WWOX: variants seen among roughly 807,000 people sequenced by gnomAD.
The protein encoded by WWOX is WW domain-containing oxidoreductase.
In WWOX, 69 loss-of-function variants were observed where a neutral mutation model predicts 46.2. The ratio of observed to expected loss-of-function variants is 1.49; its 90% CI spans 1.23 to 1.82. The LOEUF (loss-of-function observed/expected upper bound fraction) is 1.82, where lower values mean the gene tolerates loss of function less well. WWOX is among the 40% of genes most tolerant of loss of function. The pLI, the probability that WWOX is intolerant of heterozygous loss-of-function variation, is 0.00. For synonymous variants in WWOX, 359 were observed against 202.6 expected (o/e 1.77, Z -6.56); for missense variants, 919 against 542.6 (o/e 1.69, Z -6.89).
chr16:79,054,953 T>C (rs1231283786), intron 8 of WWOX, among the ~76,000 whole-genome samples: 1 of 152,192 alleles, frequency 6.6e-6, no homozygotes, highest in Non-Finnish European at 1.5e-5. Context: ...AGATTTTCTG[T>C]ATTTTGAGAG....
intron 8 of WWOX, among the ~76,000 whole-genome samples, chr16:78,579,647 G>A (rs1050152899): frequency 1.3e-5 from 2 of 152,188 alleles, no homozygotes; most frequent in South Asian, 2.1e-4. Flanking sequence ...TTGAGGAAAT[G>A]TAAGAGATCA....
intron 8 of WWOX, chr16:79,017,485 G>C (rs1313778703): frequency 6.9e-6 from 1 of 144,612 alleles, no homozygotes; most frequent in African/African-American, 2.6e-5. Flanking sequence ...TTACAGGTAG[G>C]CTAGAGCACG....
At chr16:78,671,729 T>G (rs1189628976) in intron 8 of WWOX, among the ~76,000 whole-genome samples, 2 of 152,212 alleles carry the variant, frequency 1.3e-5, no homozygotes, top group African/African-American at 2.4e-5. Flanking sequence ...TAGCTACCCT[T>G]ACTATTTAGA....
chr16:78,591,044 GCCCTAGTC>G (rs1370669755), intron 8 of WWOX, among the ~76,000 whole-genome samples: 4 of 152,156 alleles, frequency 2.6e-5, no homozygotes, highest in Non-Finnish European at 5.9e-5. Flanking sequence ...TGTGTTATCT[GCCCTAGTC>G]TGAAGTACAG....
intron 8 of WWOX, among the ~76,000 whole-genome samples, chr16:79,151,904 G>C (rs1016595370): frequency 6.6e-6 from 1 of 152,022 alleles, no homozygotes; most frequent in African/African-American, 2.4e-5. Flanking sequence ...TTTTTTTGTT[G>C]TTTTAGCCAT....
intron 8 of WWOX, among the ~76,000 whole-genome samples, chr16:78,921,247 C>G (rs1327054589): frequency 6.6e-6 from 1 of 152,164 alleles, no homozygotes; most frequent in Non-Finnish European, 1.5e-5. Context: ...CGAAACCGCA[C>G]TGTGCCAGAA....
At chr16:78,807,563 A>C (rs903020951) in intron 8 of WWOX, among the ~76,000 whole-genome samples, 8 of 152,362 alleles carry the variant, frequency 5.3e-5, no homozygotes, top group African/African-American at 1.7e-4. Flanking sequence ...ACCTGATTCA[A>C]ATGTGGCAAA....
chr16:78,420,993 ATTAT>A (rs1043938712), intron 6 of WWOX, among the ~76,000 whole-genome samples: 3 of 152,086 alleles, frequency 2.0e-5, no homozygotes, highest in African/African-American at 7.2e-5. Flanking sequence ...TGGCTTAATC[ATTAT>A]TTATCCACTT....
chr16:79,002,799 C>A (rs1296215980), intron 8 of WWOX, among the ~76,000 whole-genome samples: 1 of 152,158 alleles, frequency 6.6e-6, no homozygotes, highest in East Asian at 1.9e-4. Flanking sequence ...CAAGGCCTGT[C>A]TGGATCCAAA....
chr16:78,363,655 A>G (rs543893162), intron 5 of WWOX, among the ~76,000 whole-genome samples: 64 of 152,254 alleles, frequency 4.2e-4, no homozygotes, highest in African/African-American at 1.5e-3. Context: ...CTTTCTTCTA[A>G]ATATACTTGA....
intron 8 of WWOX, among the ~76,000 whole-genome samples, chr16:78,845,789 A>G (rs2052283077): frequency 6.6e-6 from 1 of 152,232 alleles, no homozygotes; most frequent in Non-Finnish European, 1.5e-5. Flanking sequence ...GAATCAAGAA[A>G]TGACATTATA....
At chr16:78,184,976 A>G (rs1033226165) in intron 5 of WWOX, among the ~76,000 whole-genome samples, 31 of 152,124 alleles carry the variant, frequency 2.0e-4, no homozygotes, top group Non-Finnish European at 4.1e-4. Context: ...TGAGATGGGG[A>G]TCTCACTCAG....
chr16:78,511,785 G>T (rs1363802523), intron 8 of WWOX, among the ~76,000 whole-genome samples: 2 of 152,182 alleles, frequency 1.3e-5, no homozygotes, highest in Non-Finnish European at 2.9e-5. Context: ...TCCTCAGCTG[G>T]ACTCGATACT....
At chr16:78,592,727 C>T (rs1240869227) in intron 8 of WWOX, among the ~76,000 whole-genome samples, 1 of 152,324 alleles carries the variant, frequency 6.6e-6, no homozygotes, top group East Asian at 1.9e-4. Flanking sequence ...GTAAATTCTT[C>T]CACATAAAAC....
chr16:79,007,874 A>C (rs929126230), intron 8 of WWOX, among the ~76,000 whole-genome samples: 2 of 152,216 alleles, frequency 1.3e-5, no homozygotes, highest in African/African-American at 4.8e-5. Context: ...AGCCCTTTAC[A>C]AAGCACTGTG....
intron 8 of WWOX, among the ~76,000 whole-genome samples, chr16:79,032,313 T>C (rs2047778535): frequency 6.8e-6 from 1 of 146,178 alleles, no homozygotes; most frequent in Non-Finnish European, 1.5e-5. Context: ...GACTCTAATA[T>C]GTAGTCTATA....
At chr16:78,352,354 A>G (rs1012508605) in intron 5 of WWOX, among the ~76,000 whole-genome samples, 1 of 152,238 alleles carries the variant, frequency 6.6e-6, no homozygotes, top group Non-Finnish European at 1.5e-5. Flanking sequence ...GGTCCAAAAT[A>G]GGTCTCAGTG....
intron 1 of WWOX, among the ~76,000 whole-genome samples, chr16:78,106,283 C>T (rs1372527882): frequency 1.3e-5 from 2 of 152,138 alleles, no homozygotes; most frequent in Non-Finnish European, 2.9e-5. Flanking sequence ...ATGTTATTGC[C>T]AATGCTTGGT....
intron 8 of WWOX, among the ~76,000 whole-genome samples, chr16:78,584,112 G>A (rs1567661147): frequency 1.3e-5 from 2 of 152,184 alleles, no homozygotes; most frequent in African/African-American, 2.4e-5. Flanking sequence ...TTCCACACTG[G>A]ACTGTAAGAT....
Sources: gnomAD v4.1 joint callset for allele counts (sites outside exome capture counted in the v4.1 genomes callset) on GRCh38, gnomAD v4.1.1 for gene constraint, MANE v1.5 for transcripts, NCBI Gene and HGNC (gene_info 2026-07-23, HGNC 2026-07-21) for gene names.